Variants in EXOC4 observed in about 807,000 individuals in gnomAD.
The protein encoded by EXOC4 is SEC8-like 1.
Under a neutral mutation model 107.2 loss-of-function variants are expected in EXOC4, and 71 were observed. The observed-to-expected ratio is 0.66, with a 90% confidence interval of 0.55 to 0.81. The LOEUF is 0.81. Ranked by LOEUF, EXOC4 falls within the 30% of genes least tolerant of loss-of-function variation. EXOC4 has a pLI of 0.00. For synonymous variants in EXOC4, 456 were observed against 441.2 expected (o/e 1.03, Z -0.42); for missense variants, 1,108 against 1,189.6 (o/e 0.93, Z 1.01).
intron 2 of EXOC4, among the ~76,000 whole-genome samples, chr7:133,278,873 G>T (rs981414735): frequency 3.3e-5 from 5 of 151,934 alleles, no homozygotes; most frequent in Admixed American, 6.6e-5. Context: ...CAACGTGCAG[G>T]TTTGTTACAT....
chr7:133,953,175 C>T (rs147355220), intron 14 of EXOC4, among the ~76,000 whole-genome samples: 24 of 152,264 alleles, frequency 1.6e-4, no homozygotes, highest in South Asian at 1.0e-3. Context: ...TGGCCAGGCA[C>T]GGTGGCTCAC....
intron 7 of EXOC4, among the ~76,000 whole-genome samples, chr7:133,411,877 AT>A (rs953634914): frequency 4.6e-5 from 7 of 152,208 alleles, no homozygotes; most frequent in African/African-American, 1.4e-4. Context: ...ATGCTTGTTT[AT>A]TTGGTACTCA....
intron 10 of EXOC4, among the ~76,000 whole-genome samples, chr7:133,691,020 A>G (rs1392769948): frequency 6.6e-6 from 1 of 152,182 alleles, no homozygotes; most frequent in African/African-American, 2.4e-5. Context: ...TTTTAAGCAG[A>G]TAAGGGAGGG....
At chr7:133,642,673 G>A (rs1469374837) in intron 10 of EXOC4, among the ~76,000 whole-genome samples, 2 of 151,944 alleles carry the variant, frequency 1.3e-5, no homozygotes, top group African/African-American at 2.4e-5. Flanking sequence ...CACTACTTCC[G>A]GAGTGATCAT....
At chr7:133,373,344 A>G (rs1402517112) in intron 6 of EXOC4, among the ~76,000 whole-genome samples, 2 of 152,244 alleles carry the variant, frequency 1.3e-5, no homozygotes, top group East Asian at 1.9e-4. Context: ...AGAATCATCA[A>G]TCAAAAGGTA....
At chr7:133,389,999 T>G (rs775390536) in intron 7 of EXOC4, among the ~76,000 whole-genome samples, 1 of 151,900 alleles carries the variant, frequency 6.6e-6, no homozygotes, top group Non-Finnish European at 1.5e-5. Flanking sequence ...AAAGACCTGC[T>G]CCTATGATTC....
At chr7:133,642,690 C>A (rs1802887676) in intron 10 of EXOC4, among the ~76,000 whole-genome samples, 1 of 152,040 alleles carries the variant, frequency 6.6e-6, no homozygotes, top group Non-Finnish European at 1.5e-5. Context: ...TCATGTCACT[C>A]CCCTCCTTCT....
intron 9 of EXOC4, among the ~76,000 whole-genome samples, chr7:133,495,579 A>G (rs1477454416): frequency 1.3e-5 from 2 of 152,224 alleles, no homozygotes; most frequent in Admixed American, 1.3e-4. Context: ...TTCTTTAAAT[A>G]AATAGAATCA....
the EXOC4 span, among the ~76,000 whole-genome samples, chr7:134,087,282 AG>A: frequency 6.6e-6 from 1 of 152,180 alleles, no homozygotes; most frequent in South Asian, 2.1e-4. Context: ...CAGGCAGAAT[AG>A]GGGTGATGAT....
chr7:133,332,355 G>C (rs1203525550), intron 5 of EXOC4, among the ~76,000 whole-genome samples: 1 of 152,298 alleles, frequency 6.6e-6, no homozygotes, highest in African/African-American at 2.4e-5. Flanking sequence ...TGGAGGCCGG[G>C]CACAGTGGCT....
intron 10 of EXOC4, among the ~76,000 whole-genome samples, chr7:133,647,884 A>G (rs1021435354): frequency 6.6e-6 from 1 of 152,092 alleles, no homozygotes; most frequent in Non-Finnish European, 1.5e-5. Context: ...TTTTTCTGTT[A>G]AAAAAATCAG....
chr7:133,299,594 A>G (rs1403049210), intron 3 of EXOC4, among the ~76,000 whole-genome samples: 2 of 152,198 alleles, frequency 1.3e-5, no homozygotes, highest in Non-Finnish European at 2.9e-5. Context: ...AATAGGGTGA[A>G]ATCTTTCATG....
chr7:133,904,045 GAGT>G (rs1396286824), intron 12 of EXOC4, among the ~76,000 whole-genome samples: 2 of 152,184 alleles, frequency 1.3e-5, no homozygotes, highest in Non-Finnish European at 2.9e-5. Context: ...AAGAGACTGG[GAGT>G]AGAGGAAGGG....
chr7:133,286,874 C>G (rs1261891698), intron 2 of EXOC4, among the ~76,000 whole-genome samples: 1 of 152,144 alleles, frequency 6.6e-6, no homozygotes, highest in Non-Finnish European at 1.5e-5. Context: ...ATTTCCTTGT[C>G]TAGATCCTGT....
At chr7:133,290,128 A>G (rs1013965714) in intron 3 of EXOC4, among the ~76,000 whole-genome samples, 1 of 152,208 alleles carries the variant, frequency 6.6e-6, no homozygotes, top group Non-Finnish European at 1.5e-5. Flanking sequence ...AAGTGCCATG[A>G]TATTCTATCA....
In EXOC4 at chr7:133,752,189, C is replaced by G. The variant is rs554175217; in HGVS notation, c.1515-65136C>G. Among the ~76,000 whole-genome samples, 15 of 152,168 alleles carry G rather than the reference C, an allele frequency of 9.9e-5. No homozygotes were observed. In the South Asian group the frequency reaches 2.5e-3, roughly 25 times the overall value. ...AACAAACAAACAAAAAGACCATTAT[C>G]TAAAATTTCTTCCTCTAGTAAGTAT... On this transcript the variant is annotated intron_variant, in intron 10 of 17. Coordinates refer to ENST00000253861, the MANE Select transcript of EXOC4 (RefSeq NM_021807.4).
intron 10 of EXOC4, among the ~76,000 whole-genome samples, chr7:133,663,415 ATC>A (rs1488418524): frequency 2.6e-5 from 4 of 152,222 alleles, no homozygotes; most frequent in African/African-American, 4.8e-5. Flanking sequence ...CCAAATTTAT[ATC>A]TCCAGCCTGG....
chr7:133,997,722 T>C lies in EXOC4; in HGVS notation c.2348+89T>C. On this transcript the variant is annotated intron_variant, in intron 15 of 17. Transcript: ENST00000253861. ...TTATTTCCAGGCAGTATCACCATAA[T>C]TTCTGGCTCATATTATTGATGTTAT... The C allele has an allele frequency of 2.8e-6, 4 of 1,437,724 alleles. No homozygotes were observed. In the South Asian group the frequency reaches 5.3e-5, roughly 19 times the overall value. The allele number at this position is 1,437,724 out of a possible 1,614,324, so 89.1% of individuals were successfully genotyped here.
intron 11 of EXOC4, among the ~76,000 whole-genome samples, chr7:133,894,460 C>A (rs536317330): frequency 5.1e-5 from 7 of 137,610 alleles, no homozygotes; most frequent in Admixed American, 1.4e-4. Flanking sequence ...AGCTTTGTTC[C>A]GTTGCTGGTG....
Sources: gnomAD v4.1 joint callset for allele counts (sites outside exome capture counted in the v4.1 genomes callset) on GRCh38, gnomAD v4.1.1 for gene constraint, MANE v1.5 for transcripts, NCBI Gene and HGNC (gene_info 2026-07-23, HGNC 2026-07-21) for gene names.